TMED8: variants seen among roughly 807,000 people sequenced by gnomAD.
TMED8 encodes the protein transmembrane p24 trafficking protein family member 8, also known as protein TMED8.
In TMED8, 15 loss-of-function variants were observed where a neutral mutation model predicts 32.7. That is an observed-to-expected ratio of 0.46 (90% CI 0.31 to 0.71). The LOEUF is 0.71. Ranked by LOEUF, TMED8 falls within the 30% of genes least tolerant of loss-of-function variation. The probability of loss-of-function intolerance (pLI) is 0.06; values close to 1 mark genes in which losing one functional copy is unlikely to be tolerated. For synonymous variants in TMED8, 147 were observed against 161.4 expected, an observed-to-expected ratio of 0.91 and a Z score of 0.68; for missense variants, 390 against 423.9, an observed-to-expected ratio of 0.92 and a Z score of 0.70.
At chr14:77,360,937 G>T (rs185797891) in intron 1 of TMED8, among the ~76,000 whole-genome samples, 1 of 144,806 alleles carries the variant, frequency 6.9e-6, no homozygotes, top group Non-Finnish European at 1.5e-5. Flanking sequence ...CCATTTTTAC[G>T]TCTTCTTTGG....
Position 77,341,797 on chromosome 14 carries a change from A to G in TMED8, c.952T>C (p.Tyr318His), listed in dbSNP as rs761590575. 15 of 1,614,040 alleles carry G rather than the reference A, an allele frequency of 9.3e-6. No individual in the cohort carries two copies. In the South Asian group the frequency reaches 1.4e-4, roughly 15 times the overall value. The change falls in exon 6 of 6, where the codon TAC (tyrosine) becomes CAC (histidine). Residue 318 changes from tyrosine to histidine, a missense_variant. Tyr to His is a moderately conservative substitution (Grantham distance 83, BLOSUM62 2). Coordinates refer to ENST00000216468, the MANE Select transcript of TMED8 (RefSeq NM_213601.3). ...CAGCTGGTGTAGTAGATGTGGAAGT[A>G]GAGAGTCTTGTTGCGCAGCAGGGAG... ...SYSLLRNKTL[Y>H]FHIYYTS
intron 3 of TMED8, among the ~76,000 whole-genome samples, chr14:77,346,032 C>CAAGAAAAG (rs1179862940): frequency 2.0e-4 from 30 of 150,080 alleles, no homozygotes; most frequent in Admixed American, 1.9e-3. Context: ...AGATCTACCA[C>CAAGAAAAG]AAGAAAAGTA....
At chr14:77,357,367 C>A (rs1893314435) in intron 1 of TMED8, among the ~76,000 whole-genome samples, 2 of 152,208 alleles carry the variant, frequency 1.3e-5, no homozygotes, top group South Asian at 4.1e-4. Flanking sequence ...AGCAGGCATT[C>A]ATGATCATTG....
chr14:77,345,583 C>T (rs990971267), intron 3 of TMED8, among the ~76,000 whole-genome samples: 2 of 149,572 alleles, frequency 1.3e-5, no homozygotes, highest in Admixed American at 1.4e-4. Context: ...TCACTCGAGC[C>T]CAGGATTTTG....
chr14:77,352,872 T>C (rs959285722), intron 1 of TMED8, among the ~76,000 whole-genome samples: 2 of 152,242 alleles, frequency 1.3e-5, no homozygotes, highest in Non-Finnish European at 2.9e-5. Flanking sequence ...GTGTCACTTC[T>C]ACATTCAATA....
intron 1 of TMED8, among the ~76,000 whole-genome samples, chr14:77,372,858 C>T (rs1454587205): frequency 7.5e-6 from 1 of 133,524 alleles, no homozygotes; most frequent in Non-Finnish European, 1.5e-5. Context: ...ACATGGTAGC[C>T]ACCAAATTTT....
At chr14:77,372,935 TA>T (rs1566696427) in intron 1 of TMED8, among the ~76,000 whole-genome samples, 26 of 33,746 alleles carry the variant, frequency 7.7e-4, no homozygotes, top group Admixed American at 1.7e-3. Flanking sequence ...TATATATATA[TA>T]TATATATATA....
Position 77,343,434 on chromosome 14 carries a change from C to T in TMED8, c.504G>A (p.Val168=), listed in dbSNP as rs1892954808. 7 of 1,613,794 alleles carry T rather than the reference C, an allele frequency of 4.3e-6. No homozygotes were observed. Among genetic ancestry groups the T allele is most frequent in the Non-Finnish European group, 5.9e-6 (7 of 1,179,812 alleles). The stretch of plus-strand genomic sequence containing the variant: ...TGCCCAGCTTGCTTTTGAATTCCTT[C>T]ACCTTGGCAAAGGTCCAGATGCATG... ...APPCIWTFAK[V]KEFKSKLGKE... is the part of the protein sequence containing the mutation. Residue 168 remains valine (V), a synonymous_variant, in exon 5 of 6, where the codon GTG becomes GTA. Transcript: ENST00000216468.
chr14:77,374,926 A>C (rs575300641), intron 1 of TMED8, among the ~76,000 whole-genome samples: 1 of 152,248 alleles, frequency 6.6e-6, no homozygotes, highest in Non-Finnish European at 1.5e-5. Context: ...CATGGCCAAT[A>C]AAAACAAACA....
intron 1 of TMED8, among the ~76,000 whole-genome samples, chr14:77,363,828 T>C (rs1203748958): frequency 1.3e-5 from 2 of 152,166 alleles, no homozygotes; most frequent in African/African-American, 4.8e-5. Flanking sequence ...GCTCATTACT[T>C]TTTAAACTGG....
In TMED8 at chr14:77,376,654, C is replaced by T. The variant is rs562915547; in HGVS notation, c.118+282G>A. The T allele has an allele frequency of 4.0e-3, 960 of 243,028 alleles. 3 individuals carry two copies. Among genetic ancestry groups the T allele is most frequent in the Non-Finnish European group, 6.3e-3 (806 of 127,216 alleles). 15.1% of individuals were successfully genotyped at this position (243,028 alleles called of 1,614,324 possible). On this transcript the variant is annotated intron_variant, in intron 1 of 5. Coordinates refer to ENST00000216468, the MANE Select transcript of TMED8 (RefSeq NM_213601.3). The surrounding 1 kb of genome is among the most constrained non-coding windows in gnomAD (Gnocchi z 4.0). ...GAAGCTGAAACTGAAGCTGAAGAGG[C>T]GCCAGGGGCAGAGCCACCCTGTCAC...
intron 1 of TMED8, chr14:77,359,634 A>G: frequency 2.7e-6 from 1 of 368,480 alleles, no homozygotes; most frequent in Non-Finnish European, 5.3e-6. Flanking sequence ...AATGAATATC[A>G]AAGGAGTAAT....
chr14:77,369,770 G>A (rs10135535), intron 1 of TMED8, among the ~76,000 whole-genome samples: 47,660 of 152,064 alleles, frequency 0.31, 8,357 homozygotes, highest in Admixed American at 0.4. Flanking sequence ...AATTGTCCCT[G>A]ATGAGAGATA....
In TMED8 at chr14:77,338,821, A is replaced by G. The variant is rs1249683384; in HGVS notation, c.*2950T>C. On this transcript the variant is annotated 3_prime_UTR_variant, in exon 6 of 6. Coordinates refer to ENST00000216468, the MANE Select transcript of TMED8 (RefSeq NM_213601.3). ...GTTTGCTGAAATTTTTTCACAATAAAACACTGGGGGAAAAGAAATCAATAC... is the reference window on the plus strand; with the variant it reads ...GTTTGCTGAAATTTTTTCACAATAAGACACTGGGGGAAAAGAAATCAATAC... 6.6e-6 allele frequency: 1 copy of G among 152,222 alleles called. No individual in the cohort carries two copies. The highest frequency in any genetic ancestry group is 2.4e-5 in the African/African-American group (1 of 41,456). The allele number at this position is 152,222 out of a possible 1,614,324, so 9.4% of individuals were successfully genotyped here. A position where few individuals can be genotyped will look rare whatever the true frequency, so the allele number is the denominator to read the frequency against.
At chr14:77,351,224 C>G (rs145907465) in intron 2 of TMED8, among the ~76,000 whole-genome samples, 3,837 of 151,050 alleles carry the variant, frequency 0.025, 174 homozygotes, top group African/African-American at 0.089. Context: ...CGGTGGCTCA[C>G]GCCTGTAATC....
chr14:77,345,873 G>C (rs1893017180), intron 3 of TMED8, among the ~76,000 whole-genome samples: 1 of 151,202 alleles, frequency 6.6e-6, no homozygotes, highest in African/African-American at 2.4e-5. Flanking sequence ...GGGAGGCGAG[G>C]TGGGACAATC....
chr14:77,343,567 T>A, intron 4 of TMED8, 84 bp from the exon 5 acceptor site: 1 of 1,578,650 alleles, frequency 6.3e-7, no homozygotes, highest in South Asian at 1.2e-5. Context: ...GCTGGCACAG[T>A]CAGACATTCT....
intron 1 of TMED8, among the ~76,000 whole-genome samples, chr14:77,353,439 G>GT (rs71303874): frequency 0.22 from 27,576 of 127,374 alleles, 3,223 homozygotes; most frequent in Admixed American, 0.27. Context: ...TCTTTTCTTT[G>GT]TTTTTTTTTT....
chr14:77,354,403 TACC>T (rs1893246564), intron 1 of TMED8, among the ~76,000 whole-genome samples: 1 of 152,236 alleles, frequency 6.6e-6, no homozygotes. Context: ...GGACTTTATA[TACC>T]CTATTACTTA....
Sources: gnomAD v4.1 joint callset for allele counts (sites outside exome capture counted in the v4.1 genomes callset) on GRCh38, gnomAD v4.1.1 for gene constraint, Gnocchi (gnomAD v3.1) non-coding constraint, MANE v1.5 for transcripts, NCBI Gene and HGNC (gene_info 2026-07-23, HGNC 2026-07-21) for gene names.